ICE1: variants seen among roughly 807,000 people sequenced by gnomAD.
ICE1 encodes interactor of little elongation complex ELL subunit 1, also known as little elongation complex subunit 1.
ICE1 carries 64 observed loss-of-function variants against 192.7 expected under a neutral mutation model. That is an observed-to-expected ratio of 0.33 (90% CI 0.27 to 0.41). The LOEUF (loss-of-function observed/expected upper bound fraction) is 0.41, where lower values mean the gene tolerates loss of function less well. Among genes scored for constraint, ICE1 ranks in the 10% least tolerant of loss-of-function variants. The pLI, the probability that ICE1 is intolerant of heterozygous loss-of-function variation, is 1.00. For missense variants in ICE1, 2,708 were observed against 2,696.0 expected (o/e 1.00, Z -0.10); for synonymous variants, 1,010 against 984.5 (o/e 1.03, Z -0.49).
Position 5,489,140 on chromosome 5 carries a change from T to C in ICE1, c.6620-9T>C. 7 of 1,608,834 alleles carry C rather than the reference T, an allele frequency of 4.4e-6. No homozygotes were observed. The highest frequency in any genetic ancestry group is 5.9e-6 in the Non-Finnish European group (7 of 1,178,048). ...CTTGTTTTATGACTGATCTGAAATT[T>C]CTTTTCAGATATACCATGGGGTATA... On this transcript the variant is annotated splice_polypyrimidine_tract_variant and intron_variant, in intron 18 of 18. Coordinates refer to ENST00000296564, the MANE Select transcript of ICE1 (RefSeq NM_015325.3).
At chr5:5,424,311 T>C (rs1031064669) in intron 1 of ICE1, among the ~76,000 whole-genome samples, 9 of 152,016 alleles carry the variant, frequency 5.9e-5, no homozygotes, top group African/African-American at 2.2e-4. Context: ...CTTTTGTGAG[T>C]AGAAGGAGAA....
At chr5:5,454,868 T>G (rs1738541048) in intron 11 of ICE1, among the ~76,000 whole-genome samples, 1 of 151,832 alleles carries the variant, frequency 6.6e-6, no homozygotes, top group Non-Finnish European at 1.5e-5. Context: ...AACGAGAAGG[T>G]CAAGTAGCAG....
intron 10 of ICE1, among the ~76,000 whole-genome samples, chr5:5,450,006 G>A (rs1738366451): frequency 6.6e-6 from 1 of 152,194 alleles, no homozygotes; most frequent in Non-Finnish European, 1.5e-5. Flanking sequence ...TACTGCTGAA[G>A]GAATAGCACT....
At chr5:5,459,466 G>C (rs1052128239) in intron 12 of ICE1, among the ~76,000 whole-genome samples, 1 of 152,202 alleles carries the variant, frequency 6.6e-6, no homozygotes, top group African/African-American at 2.4e-5. Flanking sequence ...GCCAGCACTT[G>C]AGTGCAGTGG....
rs186000246 is a variant in ICE1 at position 5,431,448 on chromosome 5, G to A, written c.85-4970G>A. On this transcript the variant is annotated intron_variant, in intron 1 of 18. Transcript: ENST00000296564. ...CTCTCTTCACCCCCATCTCCATTCC[G>A]AAGGACCATGTTCACATCTTTCAGT... 2.0e-3 allele frequency among the ~76,000 whole-genome samples: 308 copies of A among 152,220 alleles called. 1 individual carries two copies. Among genetic ancestry groups the A allele is most frequent in the Non-Finnish European group, 3.6e-3 (244 of 68,006 alleles).
At position 5,461,336 on chromosome 5, in the gene ICE1, C is replaced by T. The variant is rs566609143; in HGVS notation, c.2002C>T (p.Pro668Ser). ...DITTKVFSTE[P>S]HHSEHKLQTK... Reference sequence around the variant, plus strand: ...TACTACTAAAGTATTCTCTACTGAACCGCATCATTCAGAACATAAATTGCA... The same window carrying T: ...TACTACTAAAGTATTCTCTACTGAATCGCATCATTCAGAACATAAATTGCA... The change falls in exon 13 of 19, where the codon CCG (proline) becomes TCG (serine). Residue 668 changes from proline (P) to serine (S), a missense_variant. Physicochemically the swap from Pro to Ser is moderately conservative, Grantham distance 74. Around this residue, in one of 2 missense-constraint regions of ICE1, gnomAD observed 2,366 missense variants for 2,276.6 expected, o/e 1.04. Coordinates refer to ENST00000296564, the MANE Select transcript of ICE1 (RefSeq NM_015325.3). 4 of 1,613,864 alleles carry T rather than the reference C, an allele frequency of 2.5e-6. No individual in the cohort carries two copies. Among genetic ancestry groups the T allele is most frequent in the South Asian group, 1.1e-5 (1 of 91,080 alleles).
chr5:5,457,219 T>C, intron 11 of ICE1, 113 bp from the exon 12 acceptor site: 1 of 1,050,750 alleles, frequency 9.5e-7, no homozygotes, highest in Non-Finnish European at 1.3e-6. Context: ...TTACTTGGAC[T>C]TAATATTTCA....
intron 17 of ICE1, among the ~76,000 whole-genome samples, chr5:5,484,097 G>A (rs72727742): frequency 0.011 from 1,618 of 152,132 alleles, 17 homozygotes; most frequent in South Asian, 0.028. Flanking sequence ...ATTCTAATAC[G>A]GCTGGATGGC....
At chr5:5,471,332 G>A (rs1739149720) in intron 15 of ICE1, among the ~76,000 whole-genome samples, 1 of 151,876 alleles carries the variant, frequency 6.6e-6, no homozygotes, top group African/African-American at 2.4e-5. Context: ...TGGTTGAAAA[G>A]ATGATTAAAA....
chr5:5,426,502 T>C (rs955468568), intron 1 of ICE1, among the ~76,000 whole-genome samples: 3 of 141,148 alleles, frequency 2.1e-5, no homozygotes, highest in African/African-American at 8.0e-5. Flanking sequence ...GATAGGAAAA[T>C]GGGGCATTAT....
At chr5:5,437,029 G>C (rs935529119) in intron 2 of ICE1, 51 bp from the exon 3 acceptor site, 1 of 1,132,410 alleles carries the variant, frequency 8.8e-7, no homozygotes, top group East Asian at 2.6e-5. Flanking sequence ...TTTTAACATA[G>C]TATATTTTCT....
chr5:5,485,258 A>G (rs781500415), intron 17 of ICE1, among the ~76,000 whole-genome samples: 1 of 152,224 alleles, frequency 6.6e-6, no homozygotes, highest in African/African-American at 2.4e-5. Context: ...ACAGTAATGA[A>G]CCCATAAATG....
intron 1 of ICE1, among the ~76,000 whole-genome samples, chr5:5,431,410 A>G (rs1292277458): frequency 6.6e-6 from 1 of 152,174 alleles, no homozygotes; most frequent in Non-Finnish European, 1.5e-5. Flanking sequence ...GGTACGCAGC[A>G]GCATTCTGAG....
Position 5,462,618 on chromosome 5 carries a change from A to G in ICE1, c.3284A>G (p.His1095Arg), listed in dbSNP as rs370774344. 4.3e-6 allele frequency: 7 copies of G among 1,613,874 alleles called. No homozygotes were observed. Among genetic ancestry groups the G allele is most frequent in the African/African-American group, 4.0e-5 (3 of 74,908 alleles). Residue 1095 changes from histidine (H) to arginine (R), a missense_variant, in exon 13 of 19, where the codon CAT becomes CGT. Transcript: ENST00000296564. ...TSQSSLPGTL[H>R]CYTGIREGGD... ...CAAAGTAGCCTGCCTGGTACCTTACATTGTTACACAGGCATTCGAGAGGGG... is the reference window on the plus strand; with the variant it reads ...CAAAGTAGCCTGCCTGGTACCTTACGTTGTTACACAGGCATTCGAGAGGGG...
intron 15 of ICE1, among the ~76,000 whole-genome samples, chr5:5,469,899 A>T (rs1353490001): frequency 6.6e-6 from 1 of 152,178 alleles, no homozygotes; most frequent in Non-Finnish European, 1.5e-5. Flanking sequence ...CAGGAGAGAC[A>T]TCCTGACTCC....
chr5:5,456,245 T>C (rs1738576761), intron 11 of ICE1, among the ~76,000 whole-genome samples: 1 of 152,236 alleles, frequency 6.6e-6, no homozygotes, highest in African/African-American at 2.4e-5. Flanking sequence ...TTTTTCCTAA[T>C]GAATCAACTT....
intron 14 of ICE1, among the ~76,000 whole-genome samples, chr5:5,467,135 G>A (rs1739011082): frequency 6.6e-6 from 1 of 152,090 alleles, no homozygotes; most frequent in Non-Finnish European, 1.5e-5. Flanking sequence ...GGATAATTGA[G>A]TATATCCATC....
chr5:5,475,957 T>C lies in ICE1; in HGVS notation c.6414-16T>C, dbSNP rs1739292804. On this transcript the variant is annotated splice_polypyrimidine_tract_variant and intron_variant, in intron 16 of 18. Coordinates refer to ENST00000296564, the MANE Select transcript of ICE1 (RefSeq NM_015325.3). ...GTGATGATGAGCATACATCTTTTCA[T>C]GTTGTTTTTTTATAGTAAGGAGCTG... 1 of 1,457,604 alleles carries C rather than the reference T, an allele frequency of 6.9e-7. No homozygotes were observed. The highest frequency in any genetic ancestry group is 9.6e-7 in the Non-Finnish European group (1 of 1,041,800). 90.3% of individuals were successfully genotyped at this position (1,457,604 alleles called of 1,614,324 possible).
Position 5,463,933 on chromosome 5 carries a change from G to C in ICE1, c.4599G>C (p.Gln1533His). The change falls in exon 13 of 19, where the codon CAG becomes CAC. Residue 1533 changes from glutamine to histidine, a missense_variant. Transcript: ENST00000296564. ...SQIYDQNFET[Q>H]IVASDHTYYN... ...TCTATGATCAAAACTTCGAGACTCAGATTGTTGCGTCTGATCACACATATT... is the reference window on the plus strand; with the variant it reads ...TCTATGATCAAAACTTCGAGACTCACATTGTTGCGTCTGATCACACATATT... The C allele has an allele frequency of 5.0e-6, 8 of 1,613,928 alleles. No homozygotes were observed. Among genetic ancestry groups the C allele is most frequent in the Non-Finnish European group, 6.8e-6 (8 of 1,179,852 alleles).
Sources: allele counts gnomAD v4.1 joint callset (sites outside exome capture counted in the v4.1 genomes callset), GRCh38; gene constraint gnomAD v4.1.1; regional missense constraint gnomAD v4.1.1; transcripts MANE v1.5; gene names NCBI Gene and HGNC (gene_info 2026-07-23, HGNC 2026-07-21).